TJP1: variants seen among roughly 807,000 people sequenced by gnomAD.
TJP1 encodes tight junction protein ZO-1.
In TJP1, 43 loss-of-function variants were observed where a neutral mutation model predicts 194.2. The observed-to-expected ratio is 0.22, with a 90% CI of 0.17 to 0.29. TJP1 has a LOEUF of 0.29. Ranked by LOEUF, TJP1 falls within the 10% of genes least tolerant of loss-of-function variation. The pLI is 1.00. For synonymous variants in TJP1, 801 were observed against 779.0 expected, an observed-to-expected ratio of 1.03 and a Z score of -0.47; for missense variants, 1,971 against 2,185.7, an observed-to-expected ratio of 0.90 and a Z score of 1.96.
At chr15:29,884,894 G>A (rs2053064005) in intron 2 of TJP1, among the ~76,000 whole-genome samples, 1 of 152,180 alleles carries the variant, frequency 6.6e-6, no homozygotes, top group African/African-American at 2.4e-5. Context: ...AGGAGGGGCT[G>A]TTCTGGCCAT....
At chr15:29,874,590 T>C (rs2052634798) in intron 2 of TJP1, among the ~76,000 whole-genome samples, 1 of 152,306 alleles carries the variant, frequency 6.6e-6, no homozygotes, top group African/African-American at 2.4e-5. Flanking sequence ...TAAAATGGTA[T>C]TACCATGAAC....
At chr15:29,892,517 AG>A (rs1459205069) in intron 2 of TJP1, among the ~76,000 whole-genome samples, 2 of 152,264 alleles carry the variant, frequency 1.3e-5, no homozygotes, top group Non-Finnish European at 2.9e-5. Context: ...GGAAAAGTCA[AG>A]TCCTGGCTTC....
chr15:29,883,797 A>G (rs2152138787), intron 2 of TJP1, among the ~76,000 whole-genome samples: 1 of 152,338 alleles, frequency 6.6e-6, no homozygotes, highest in African/African-American at 2.4e-5. Context: ...TATTTTTATA[A>G]ATCTTGTAGA....
At chr15:29,949,321 C>A (rs1442885543) in intron 2 of TJP1, among the ~76,000 whole-genome samples, 6 of 130,294 alleles carry the variant, frequency 4.6e-5, no homozygotes, top group Non-Finnish European at 6.6e-5. Context: ...CCACTTTCAC[C>A]ACCACTACCT....
intron 2 of TJP1, among the ~76,000 whole-genome samples, chr15:29,779,919 G>C (rs1040946329): frequency 6.6e-6 from 1 of 151,460 alleles, no homozygotes; most frequent in Non-Finnish European, 1.5e-5. Context: ...GACTTCCTTA[G>C]CATGTGAACG....
intron 2 of TJP1, among the ~76,000 whole-genome samples, chr15:29,942,687 C>T (rs943195180): frequency 5.3e-5 from 8 of 152,172 alleles, no homozygotes; most frequent in African/African-American, 9.7e-5. Context: ...TACCACACAG[C>T]GGTGCGTACC....
chr15:29,843,861 G>A (rs1254628035), intron 2 of TJP1, among the ~76,000 whole-genome samples: 2 of 152,112 alleles, frequency 1.3e-5, no homozygotes, highest in Non-Finnish European at 2.9e-5. Context: ...CAGGGAGTGA[G>A]TCACATGTAC....
At chr15:29,725,796 A>G (rs188880906) in intron 18 of TJP1, among the ~76,000 whole-genome samples, 133 of 152,356 alleles carry the variant, frequency 8.7e-4, no homozygotes, top group African/African-American at 3.1e-3. Context: ...TGTTGTGAGA[A>G]TGTTAACAGG....
intron 9 of TJP1, 149 bp from the exon 10 acceptor site, chr15:29,741,585 T>C: frequency 1.7e-6 from 1 of 590,174 alleles, no homozygotes; most frequent in Non-Finnish European, 3.0e-6. Flanking sequence ...TAGTAATAAA[T>C]TCTGAAGTCT....
chr15:29,864,140 T>C (rs191099780), intron 2 of TJP1, among the ~76,000 whole-genome samples: 401 of 150,622 alleles, frequency 2.7e-3, no homozygotes, highest in African/African-American at 9.3e-3. Context: ...ACACCTGTAA[T>C]CTCAGCACTT....
chr15:29,814,718 A>C (rs1033341191), intron 1 of TJP1, among the ~76,000 whole-genome samples: 3 of 152,216 alleles, frequency 2.0e-5, no homozygotes, highest in African/African-American at 7.2e-5. Flanking sequence ...ATTAGAATCC[A>C]CAGAAAGTAA....
intron 2 of TJP1, among the ~76,000 whole-genome samples, chr15:29,899,350 A>G (rs1418412676): frequency 1.3e-5 from 2 of 152,038 alleles, no homozygotes; most frequent in Non-Finnish European, 2.9e-5. Flanking sequence ...TTGCAATTTG[A>G]GTTCATTTTC....
intron 2 of TJP1, among the ~76,000 whole-genome samples, chr15:29,873,380 A>C (rs1163434655): frequency 1.3e-5 from 2 of 152,210 alleles, no homozygotes; most frequent in Non-Finnish European, 2.9e-5. Context: ...CCCTCACAGC[A>C]AAAACCTAAC....
intron 2 of TJP1, among the ~76,000 whole-genome samples, chr15:29,928,124 A>C (rs965986730): frequency 6.6e-6 from 1 of 152,162 alleles, no homozygotes; most frequent in African/African-American, 2.4e-5. Context: ...GAAAAAAAAA[A>C]CCACTAGTAG....
intron 1 of TJP1, chr15:29,968,646 G>C: frequency 5.8e-6 from 6 of 1,028,900 alleles, no homozygotes; most frequent in Non-Finnish European, 7.0e-6. Context: ...CTGGGGCTCC[G>C]CGCCCGCGCG....
At chr15:29,879,536 G>C (rs556854520) in intron 2 of TJP1, among the ~76,000 whole-genome samples, 14 of 152,106 alleles carry the variant, frequency 9.2e-5, no homozygotes, top group Non-Finnish European at 1.8e-4. Context: ...TATTAGTCGG[G>C]TGAACTTTTA....
At chr15:29,956,019 G>T (rs1270791334) in intron 2 of TJP1, among the ~76,000 whole-genome samples, 1 of 151,842 alleles carries the variant, frequency 6.6e-6, no homozygotes, top group East Asian at 1.9e-4. Context: ...CTTCATATTT[G>T]GATCAGAATC....
At chr15:29,843,807 T>C (rs1204994611) in intron 2 of TJP1, among the ~76,000 whole-genome samples, 1 of 152,164 alleles carries the variant, frequency 6.6e-6, no homozygotes, top group African/African-American at 2.4e-5. Flanking sequence ...GGGTGTGGTC[T>C]GCGTGCTCCC....
intron 2 of TJP1, among the ~76,000 whole-genome samples, chr15:29,921,751 G>A (rs2054365901): frequency 6.6e-6 from 1 of 152,182 alleles, no homozygotes; most frequent in Admixed American, 6.5e-5. Flanking sequence ...AAAGAAGAGA[G>A]AATGGTATAA....
Sources: allele counts gnomAD v4.1 joint callset (sites outside exome capture counted in the v4.1 genomes callset), GRCh38; gene constraint gnomAD v4.1.1; transcripts MANE v1.5; gene names NCBI Gene and HGNC (gene_info 2026-07-23, HGNC 2026-07-21).